The following ABCC4 variants were observed in gnomAD, a reference collection of about 807,000 sequenced individuals.
ABCC4 encodes the protein ATP binding cassette subfamily C member 4 (PEL blood group), also known as ATP-binding cassette sub-family C member 4.
Under a neutral mutation model 168.5 loss-of-function variants are expected in ABCC4, and 102 were observed. That is an observed-to-expected ratio of 0.61 (90% CI 0.52 to 0.71). The LOEUF (loss-of-function observed/expected upper bound fraction) is 0.71, where lower values mean the gene tolerates loss of function less well. ABCC4 is among the 30% of genes least tolerant of loss of function. ABCC4 has a pLI of 0.00. For synonymous variants in ABCC4, 617 were observed against 590.7 expected (o/e 1.04, Z -0.65); for missense variants, 1,402 against 1,605.8 (o/e 0.87, Z 2.17).
At chr13:95,053,740 G>T (rs1594015084) in intron 26 of ABCC4, 1 of 156,254 alleles carries the variant, frequency 6.4e-6, no homozygotes, top group Admixed American at 6.2e-5. Context: ...ATTTTGGGAG[G>T]TCGAGGCGGG....
chr13:95,029,848 C>T (rs186275441), intron 30 of ABCC4, among the ~76,000 whole-genome samples: 1 of 152,310 alleles, frequency 6.6e-6, no homozygotes, highest in East Asian at 1.9e-4. Context: ...TACTGCAATC[C>T]TGGCATGACA....
chr13:95,228,573 G>A (rs777308388), intron 4 of ABCC4, among the ~76,000 whole-genome samples: 1 of 152,072 alleles, frequency 6.6e-6, no homozygotes, highest in Non-Finnish European at 1.5e-5. Context: ...TTTGGAGTTC[G>A]CGACCAGCCT....
chr13:95,210,097 G>T (rs914769510), intron 5 of ABCC4, among the ~76,000 whole-genome samples: 8 of 152,172 alleles, frequency 5.3e-5, no homozygotes, highest in Non-Finnish European at 7.4e-5. Context: ...TGAATAATTG[G>T]AAAAAAGAAG....
intron 18 of ABCC4, 35 bp from the exon 19 acceptor site, chr13:95,161,370 A>G (rs750286797): frequency 2.0e-6 from 3 of 1,474,720 alleles, no homozygotes; most frequent in East Asian, 2.4e-5. Context: ...AGAACACAGC[A>G]TATCTCTGCA....
rs137889710 is a variant in ABCC4 at position 95,253,647 on chromosome 13, A to C, written c.75-5894T>G. Among the ~76,000 whole-genome samples the C allele has an allele frequency of 2.5e-3, 383 of 152,090 alleles. 1 individual carries two copies. The highest frequency in any genetic ancestry group is 8.7e-3 in the African/African-American group (363 of 41,508). On this transcript the variant is annotated intron_variant, in intron 1 of 30. Transcript: ENST00000645237. The stretch of plus-strand genomic sequence containing the variant: ...GTAATCCCAGCTACTCGGGAGGCTG[A>C]GGTAGGAGAATCGCTTAAACCCAGG...
intron 4 of ABCC4, among the ~76,000 whole-genome samples, chr13:95,215,491 G>C (rs758323974): frequency 2.0e-5 from 3 of 152,168 alleles, no homozygotes; most frequent in Non-Finnish European, 4.4e-5. Context: ...GCATTTTGGA[G>C]ACAGAAGTAA....
intron 1 of ABCC4, among the ~76,000 whole-genome samples, chr13:95,278,552 T>C (rs763096102): frequency 6.6e-6 from 1 of 151,962 alleles, no homozygotes; most frequent in Non-Finnish European, 1.5e-5. Context: ...CCCAACACAT[T>C]GGGAGGCTGA....
chr13:95,095,729 GA>G (rs1393891097), intron 20 of ABCC4: 1 of 154,800 alleles, frequency 6.5e-6, no homozygotes, highest in Admixed American at 6.5e-5. Flanking sequence ...AATAGATACA[GA>G]TTTTTTTAAA....
At chr13:95,199,545 G>GCC (rs976958564) in intron 8 of ABCC4, among the ~76,000 whole-genome samples, 1 of 152,144 alleles carries the variant, frequency 6.6e-6, no homozygotes, top group Non-Finnish European at 1.5e-5. Flanking sequence ...TGATTTTGCA[G>GCC]CCATAAGGAC....
intron 27 of ABCC4, among the ~76,000 whole-genome samples, chr13:95,051,405 G>A (rs2032824330): frequency 6.6e-6 from 1 of 152,320 alleles, no homozygotes; most frequent in South Asian, 2.1e-4. Context: ...ATTAATCTCT[G>A]TCACTCAGGC....
chr13:95,255,670 T>C (rs530708321), intron 1 of ABCC4, among the ~76,000 whole-genome samples: 3 of 152,218 alleles, frequency 2.0e-5, no homozygotes, highest in African/African-American at 7.2e-5. Flanking sequence ...TCTCATCCCT[T>C]CCCGCTTCAC....
intron 19 of ABCC4, among the ~76,000 whole-genome samples, chr13:95,156,772 AGAG>A (rs1192983384): frequency 1.3e-5 from 2 of 152,104 alleles, no homozygotes; most frequent in African/African-American, 2.4e-5. Flanking sequence ...GCAATGGGTG[AGAG>A]GAGGATAAAA....
At chr13:95,186,977 G>A in intron 10 of ABCC4, 85 bp from the exon 11 acceptor site, 2 of 1,218,114 alleles carry the variant, frequency 1.6e-6, no homozygotes, top group South Asian at 2.0e-5. Context: ...CCCAGCCCTG[G>A]GAGCTTGAAA....
chr13:95,217,183 T>C (rs1248636201), intron 4 of ABCC4, among the ~76,000 whole-genome samples: 1 of 152,190 alleles, frequency 6.6e-6, no homozygotes, highest in Non-Finnish European at 1.5e-5. Flanking sequence ...ATTAATTGTA[T>C]TCAATTTCTT....
chr13:95,250,035 G>T (rs2040214156), intron 1 of ABCC4, among the ~76,000 whole-genome samples: 2 of 152,202 alleles, frequency 1.3e-5, no homozygotes, highest in African/African-American at 4.8e-5. Flanking sequence ...ATCTCAAAAA[G>T]CTGGGCTGAA....
chr13:95,180,062 A>G (rs1249005930), intron 11 of ABCC4, among the ~76,000 whole-genome samples: 1 of 152,152 alleles, frequency 6.6e-6, no homozygotes, highest in Non-Finnish European at 1.5e-5. Context: ...ACATCACCAA[A>G]TGGAAAAAAA....
chr13:95,089,413 T>A (rs2034357605), intron 20 of ABCC4, among the ~76,000 whole-genome samples: 1 of 151,716 alleles, frequency 6.6e-6, no homozygotes, highest in South Asian at 2.1e-4. Context: ...AGGTCAGGAG[T>A]TTGAGACCAG....
intron 13 of ABCC4, among the ~76,000 whole-genome samples, chr13:95,174,329 A>T (rs908204873): frequency 4.0e-4 from 61 of 152,354 alleles, no homozygotes; most frequent in African/African-American, 1.4e-3. Flanking sequence ...ATTCACTTTT[A>T]ATACAAAACA....
At chr13:95,299,267 CAAAA>C (rs59178850) in intron 1 of ABCC4, among the ~76,000 whole-genome samples, 1 of 129,886 alleles carries the variant, frequency 7.7e-6, no homozygotes, top group Non-Finnish European at 1.6e-5. Flanking sequence ...GATCCTGTCT[CAAAA>C]AAAAAAAAAA....
Sources: gnomAD v4.1 joint callset for allele counts (sites outside exome capture counted in the v4.1 genomes callset) on GRCh38, gnomAD v4.1.1 for gene constraint, MANE v1.5 for transcripts, NCBI Gene and HGNC (gene_info 2026-07-23, HGNC 2026-07-21) for gene names.